BICRAL: variants seen among roughly 807,000 people sequenced by gnomAD.
BICRAL encodes the protein BICRA like chromatin remodeling complex associated protein.
A neutral mutation model predicts 91.8 loss-of-function variants in BICRAL; 8 were observed. The ratio of observed to expected loss-of-function variants is 0.09; its 90% CI spans 0.05 to 0.16. BICRAL has a LOEUF of 0.16. Ranked by LOEUF, BICRAL falls within the 10% of genes least tolerant of loss-of-function variation. BICRAL has a pLI of 1.00. For missense variants in BICRAL, 1,038 were observed against 1,310.9 expected (o/e 0.79, Z 3.21); for synonymous variants, 445 against 491.1 (o/e 0.91, Z 1.24).
chr6:42,790,455 C>T (rs955667550), intron 1 of BICRAL, among the ~76,000 whole-genome samples: 2 of 147,862 alleles, frequency 1.4e-5, no homozygotes, highest in African/African-American at 5.0e-5. Context: ...GGATTACAGG[C>T]GTGAGCCACT....
chr6:42,774,583 T>C (rs1367700755), intron 1 of BICRAL, among the ~76,000 whole-genome samples: 1 of 152,070 alleles, frequency 6.6e-6, no homozygotes, highest in African/African-American at 2.4e-5. Context: ...TAACTAGTAG[T>C]TGATTGTATG....
intron 2 of BICRAL, among the ~76,000 whole-genome samples, chr6:42,814,519 ATTTTTTTT>A (rs70990145): frequency 2.0e-4 from 16 of 80,210 alleles, no homozygotes; most frequent in African/African-American, 9.2e-4. Flanking sequence ...ATATATATAT[ATTTTTTTT>A]TTTTTTTTTT....
At position 42,751,204 on chromosome 6, in the gene BICRAL, G is replaced by A. The variant is rs189722334; in HGVS notation, c.-261+4181G>A. The stretch of plus-strand genomic sequence containing the variant: ...CAGCTTTATTTGAAAGATGTGGTCA[G>A]CCAAGTCCCCCTCCAACCCCAAGGT... On this transcript the variant is annotated intron_variant, in intron 1 of 14. Transcript: ENST00000614467. Among the ~76,000 whole-genome samples, 323 of 151,132 alleles carry A rather than the reference G, an allele frequency of 2.1e-3. 2 individuals are homozygous for A. The highest frequency in any genetic ancestry group is 3.2e-3 in the Non-Finnish European group (217 of 67,904).
At chr6:42,795,272 A>G (rs941668266) in intron 1 of BICRAL, among the ~76,000 whole-genome samples, 75 of 152,238 alleles carry the variant, frequency 4.9e-4, no homozygotes, top group African/African-American at 1.7e-3. Context: ...CTCTACTAAA[A>G]ATATAAAAAT....
intron 1 of BICRAL, among the ~76,000 whole-genome samples, chr6:42,770,707 C>T (rs1272882742): frequency 6.6e-6 from 1 of 150,480 alleles, no homozygotes; most frequent in African/African-American, 2.5e-5. Context: ...TGAGCCACCC[C>T]ACCCGGTCAG....
At chr6:42,854,806 C>T (rs777167798) in intron 8 of BICRAL, among the ~76,000 whole-genome samples, 2 of 152,196 alleles carry the variant, frequency 1.3e-5, no homozygotes, top group Non-Finnish European at 2.9e-5. Context: ...CAGGCTTAAG[C>T]AACCACTCCT....
rs1429421679 is a variant in BICRAL, at chr6:42,830,112, G to C, written c.1779G>C (p.Lys593Asn). ...VSHRLPVSSS[K>N]STSTFSNTPG... ...ATCGTCTTCCAGTTTCTTCTTCCAA[G>C]TCTACCAGCACCTTCAGTAACACAC... The change falls in exon 6 of 13, where the codon AAG (lysine) becomes AAC (asparagine). Residue 593 changes from lysine to asparagine, a missense_variant. Coordinates refer to ENST00000314073, the MANE Select transcript of BICRAL (RefSeq NM_001393499.1). The C allele has an allele frequency of 8.1e-6, 13 of 1,614,114 alleles. No homozygotes were observed. The highest frequency in any genetic ancestry group is 1.1e-5 in the Non-Finnish European group (13 of 1,179,984).
At chr6:42,795,168 A>G (rs1031717261) in intron 1 of BICRAL, among the ~76,000 whole-genome samples, 1 of 152,186 alleles carries the variant, frequency 6.6e-6, no homozygotes, top group Admixed American at 6.6e-5. Context: ...GCGGTGGCTC[A>G]CACCTGTAAT....
At chr6:42,814,537 T>C (rs1763931196) in intron 2 of BICRAL, among the ~76,000 whole-genome samples, 1 of 131,752 alleles carries the variant, frequency 7.6e-6, no homozygotes, top group African/African-American at 3.0e-5. Context: ...TTTTTTTTTT[T>C]TTTAGATGAA....
intron 1 of BICRAL, among the ~76,000 whole-genome samples, chr6:42,791,171 C>G (rs1052635733): frequency 3.7e-4 from 56 of 151,344 alleles, no homozygotes; most frequent in Non-Finnish European, 1.3e-4. Context: ...TTCCCTACCT[C>G]GTATGTACTC....
At chr6:42,815,834 G>A (rs1453083386) in intron 2 of BICRAL, among the ~76,000 whole-genome samples, 5 of 150,824 alleles carry the variant, frequency 3.3e-5, no homozygotes, top group African/African-American at 1.2e-4. Flanking sequence ...CTAAAAATAC[G>A]AAATTAGCCA....
chr6:42,762,804 T>C (rs77617321), intron 1 of BICRAL, among the ~76,000 whole-genome samples: 1 of 151,988 alleles, frequency 6.6e-6, no homozygotes, highest in Non-Finnish European at 1.5e-5. Context: ...GGTACACGCC[T>C]GTAGTCCCAG....
At chr6:42,785,260 TAACA>T (rs1363922459) in intron 1 of BICRAL, among the ~76,000 whole-genome samples, 9 of 152,120 alleles carry the variant, frequency 5.9e-5, no homozygotes, top group Non-Finnish European at 1.2e-4. Flanking sequence ...GACAGCTGTG[TAACA>T]AACGTAGCCT....
chr6:42,768,988 G>A (rs563239285), intron 1 of BICRAL, among the ~76,000 whole-genome samples: 21 of 152,194 alleles, frequency 1.4e-4, no homozygotes, highest in African/African-American at 3.6e-4. Flanking sequence ...TATTTTAAAC[G>A]TTTCTGGACT....
At chr6:42,793,361 C>CCAG (rs1393519937) in intron 1 of BICRAL, among the ~76,000 whole-genome samples, 11 of 131,162 alleles carry the variant, frequency 8.4e-5, no homozygotes, top group South Asian at 2.5e-4. Context: ...ACTGTGTTAG[C>CCAG]CAGGATGGTC....
At chr6:42,811,018 C>T (rs1763829149) in intron 2 of BICRAL, among the ~76,000 whole-genome samples, 1 of 152,182 alleles carries the variant, frequency 6.6e-6, no homozygotes, top group Admixed American at 6.6e-5. Flanking sequence ...TCATATAACC[C>T]CTTCAAGAGA....
Position 42,756,801 on chromosome 6 carries a change from G to T in BICRAL, c.-261+9778G>T, listed in dbSNP as rs554220742. ...CTTCACTCACACATCTGGGGCCTTG[G>T]TGCTGGCTGTGGGCTGGGGCACCTG... On this transcript the variant is annotated intron_variant, in intron 1 of 14. Transcript: ENST00000614467. Among the ~76,000 whole-genome samples, 11 of 152,080 alleles carry T rather than the reference G, an allele frequency of 7.2e-5. No homozygotes were observed. The South Asian group carries it at 1.5e-3, about 20-fold the overall frequency.
intron 1 of BICRAL, among the ~76,000 whole-genome samples, chr6:42,802,059 G>A (rs1313614776): frequency 6.6e-6 from 1 of 152,058 alleles, no homozygotes; most frequent in Non-Finnish European, 1.5e-5. Flanking sequence ...AGGATTCCTT[G>A]AGGCCAGGAG....
intron 6 of BICRAL, among the ~76,000 whole-genome samples, chr6:42,835,570 A>G (rs1764614194): frequency 6.6e-6 from 1 of 152,146 alleles, no homozygotes; most frequent in African/African-American, 2.4e-5. Flanking sequence ...AAAACTATTA[A>G]TTAGACTTTA....
Sources: allele counts gnomAD v4.1 joint callset (sites outside exome capture counted in the v4.1 genomes callset), GRCh38; gene constraint gnomAD v4.1.1; transcripts MANE v1.5; gene names NCBI Gene and HGNC (gene_info 2026-07-23, HGNC 2026-07-21).